RAB38: variants seen among roughly 807,000 people sequenced by gnomAD.
RAB38 encodes RAB38, member RAS oncogene family.
A neutral mutation model predicts 18.4 loss-of-function variants in RAB38; 15 were observed. The ratio of observed to expected loss-of-function variants is 0.82; its 90% CI spans 0.55 to 1.26. The LOEUF is 1.26. Ranked by LOEUF, RAB38 falls within the 50% of genes most tolerant of loss-of-function variation. The pLI, the probability that RAB38 is intolerant of heterozygous loss-of-function variation, is 0.00. For synonymous variants in RAB38, 101 were observed against 104.4 expected (o/e 0.97, Z 0.20); for missense variants, 294 against 267.4 (o/e 1.10, Z -0.69).
At chr11:88,109,862 G>C (rs1942450629), downstream of RAB38, among the ~76,000 whole-genome samples, 1 of 152,124 alleles carries the variant, frequency 6.6e-6, no homozygotes, top group African/African-American at 2.4e-5. Flanking sequence ...AAAAATTCAG[G>C]AAACAACGGA....
At chr11:88,064,549 C>G in the RAB38 span, among the ~76,000 whole-genome samples, 1 of 152,214 alleles carries the variant, frequency 6.6e-6, no homozygotes, top group Non-Finnish European at 1.5e-5. Context: ...TGAACACTCT[C>G]CCCACGTCAG....
the RAB38 span, among the ~76,000 whole-genome samples, chr11:88,016,828 TTTTC>T: frequency 1.1e-4 from 16 of 152,100 alleles, no homozygotes. Flanking sequence ...GAGGACTCAC[TTTTC>T]TTTATTTGCA....
the RAB38 span, among the ~76,000 whole-genome samples, chr11:87,958,129 G>A: frequency 6.6e-6 from 1 of 151,952 alleles, no homozygotes; most frequent in Non-Finnish European, 1.5e-5. Flanking sequence ...TTTGTCACTG[G>A]CAGCCACTGC....
intron 1 of RAB38, among the ~76,000 whole-genome samples, chr11:88,151,031 G>C (rs1343906603): frequency 6.6e-6 from 1 of 150,790 alleles, no homozygotes; most frequent in South Asian, 2.1e-4. Context: ...AATAAGTTTT[G>C]TTGTTGTTGT....
chr11:88,019,345 C>A, the RAB38 span, among the ~76,000 whole-genome samples: 1 of 152,056 alleles, frequency 6.6e-6, no homozygotes, highest in South Asian at 2.1e-4. Context: ...AATCTGCCAG[C>A]ACATCCTCTC....
At chr11:88,150,054 A>G in intron 1 of RAB38, 99 bp from the exon 2 acceptor site, 9 of 1,267,578 alleles carry the variant, frequency 7.1e-6, no homozygotes, top group Non-Finnish European at 9.8e-6. Context: ...GTCAATCAGT[A>G]AAGTGCTTCG....
the RAB38 span, chr11:88,062,176 CAT>C: frequency 3.3e-5 from 5 of 152,172 alleles, no homozygotes; most frequent in African/African-American, 4.8e-5. Context: ...GTAATCCCCA[CAT>C]GTTAAGGGAG....
the RAB38 span, among the ~76,000 whole-genome samples, chr11:87,847,325 C>A: frequency 6.6e-6 from 1 of 152,052 alleles, no homozygotes; most frequent in South Asian, 2.1e-4. Context: ...GGATTTGTTA[C>A]AATAGACTCT....
chr11:87,966,751 A>G, the RAB38 span, among the ~76,000 whole-genome samples: 1 of 152,150 alleles, frequency 6.6e-6, no homozygotes, highest in East Asian at 1.9e-4. Flanking sequence ...CCCTGCTGTA[A>G]TTCTTGGCAA....
At position 88,150,050 on chromosome 11, in the gene RAB38, CA is replaced by C. The variant is rs1231741969; in HGVS notation, c.203-96del. 2.3e-6 allele frequency: 3 copies of C among 1,276,806 alleles called. No homozygotes were observed. The African/African-American group carries it at 4.5e-5, about 19-fold the overall frequency. 79.1% of individuals were successfully genotyped at this position (1,276,806 alleles called of 1,614,324 possible). On this transcript the variant is annotated intron_variant, in intron 1 of 2. Coordinates refer to ENST00000243662, the MANE Select transcript of RAB38 (RefSeq NM_022337.3). ...AAGCCTCCAAGATGAGCAAGTCAAT[CA>C]GTAAAGTGCTTCGTCTTTACTGATA...
chr11:87,838,432 T>G, the RAB38 span, among the ~76,000 whole-genome samples: 1 of 152,314 alleles, frequency 6.6e-6, no homozygotes, highest in East Asian at 1.9e-4. Flanking sequence ...TTCATTTTTA[T>G]GCAACAACCA....
At chr11:88,038,441 G>A in the RAB38 span, among the ~76,000 whole-genome samples, 4 of 152,002 alleles carry the variant, frequency 2.6e-5, no homozygotes, top group African/African-American at 7.3e-5. Flanking sequence ...TTATCAATTC[G>A]ATATTTTTTC....
chr11:87,876,015 C>A, the RAB38 span, among the ~76,000 whole-genome samples: 12 of 151,674 alleles, frequency 7.9e-5, no homozygotes, highest in African/African-American at 2.9e-4. Flanking sequence ...TATCAGGAAT[C>A]TTTGTCTTTA....
the RAB38 span, among the ~76,000 whole-genome samples, chr11:87,887,493 T>TC: frequency 6.6e-6 from 1 of 151,982 alleles, no homozygotes; most frequent in African/African-American, 2.4e-5. Flanking sequence ...GATGGTAAAG[T>TC]CTGAGCACCC....
the RAB38 span, among the ~76,000 whole-genome samples, chr11:87,880,987 G>A: frequency 6.6e-6 from 1 of 151,768 alleles, no homozygotes; most frequent in African/African-American, 2.4e-5. Context: ...AAGGTACTTT[G>A]TTTTGTTTTA....
At chr11:88,106,261 C>T in the RAB38 span, among the ~76,000 whole-genome samples, 2 of 152,100 alleles carry the variant, frequency 1.3e-5, no homozygotes, top group African/African-American at 4.8e-5. Context: ...TTACTTAATG[C>T]ACCAAACACA....
the RAB38 span, among the ~76,000 whole-genome samples, chr11:88,080,386 G>A: frequency 6.6e-6 from 1 of 151,726 alleles, no homozygotes; most frequent in Non-Finnish European, 1.5e-5. Context: ...GATGAAAAAA[G>A]TGTTTAAAAG....
At chr11:88,048,558 C>T in the RAB38 span, among the ~76,000 whole-genome samples, 1 of 152,146 alleles carries the variant, frequency 6.6e-6, no homozygotes, top group Non-Finnish European at 1.5e-5. Context: ...CCTCGGAATG[C>T]TACAAAGTAC....
At chr11:88,071,933 T>C in the RAB38 span, among the ~76,000 whole-genome samples, 1 of 152,230 alleles carries the variant, frequency 6.6e-6, no homozygotes, top group African/African-American at 2.4e-5. Context: ...ATTCAACCTC[T>C]GACATTACAG....
Sources: gnomAD v4.1 joint callset for allele counts (sites outside exome capture counted in the v4.1 genomes callset) on GRCh38, gnomAD v4.1.1 for gene constraint, MANE v1.5 for transcripts, NCBI Gene and HGNC (gene_info 2026-07-23, HGNC 2026-07-21) for gene names.